BIRC6: variants seen among roughly 807,000 people sequenced by gnomAD.
BIRC6 encodes the protein dual E2 ubiquitin-conjugating enzyme/E3 ubiquitin-protein ligase BIRC6.
A neutral mutation model predicts 503.3 loss-of-function variants in BIRC6; 98 were observed. The ratio of observed to expected loss-of-function variants is 0.19; its 90% confidence interval spans 0.17 to 0.23. BIRC6 has a LOEUF of 0.23. BIRC6 is among the 10% of genes least tolerant of loss of function. The pLI is 1.00. For missense variants in BIRC6, 5,360 were observed against 5,806.0 expected (o/e 0.92, Z 2.50); for synonymous variants, 2,240 against 2,078.7 (o/e 1.08, Z -2.11).
At chr2:32,552,619 A>T (rs1055607949) in intron 65 of BIRC6, among the ~76,000 whole-genome samples, 5 of 152,166 alleles carry the variant, frequency 3.3e-5, no homozygotes, top group Non-Finnish European at 7.4e-5. Context: ...TGAGACACCG[A>T]TCCTATTCTC....
At chr2:32,534,564 C>G (rs1039131392) in intron 61 of BIRC6, among the ~76,000 whole-genome samples, 4 of 151,280 alleles carry the variant, frequency 2.6e-5, no homozygotes, top group African/African-American at 7.3e-5. Context: ...AACCCCATCT[C>G]TACTAAAAGT....
intron 11 of BIRC6, 46 bp from the exon 12 acceptor site, chr2:32,430,819 T>TC (rs1558701885): frequency 1.1e-6 from 1 of 939,078 alleles, no homozygotes; most frequent in African/African-American, 1.6e-5. Context: ...TTTTTTTTTT[T>TC]TTTTTTTCCA....
At chr2:32,395,188 G>A (rs1285777213) in intron 5 of BIRC6, among the ~76,000 whole-genome samples, 2 of 152,050 alleles carry the variant, frequency 1.3e-5, no homozygotes, top group Non-Finnish European at 2.9e-5. Context: ...GAAACAAATA[G>A]TGTAAACCAG....
intron 33 of BIRC6, 59 bp downstream of exon 33, chr2:32,473,298 A>T (rs2049310504): frequency 7.4e-7 from 1 of 1,354,130 alleles, no homozygotes; most frequent in Non-Finnish European, 1.0e-6. Context: ...TGGAGTTTGC[A>T]TGAGACAGAT....
At chr2:32,401,674 A>T (rs2040609078) in intron 8 of BIRC6, 51 bp downstream of exon 8, 3 of 1,482,310 alleles carry the variant, frequency 2.0e-6, no homozygotes, top group Non-Finnish European at 2.7e-6. Flanking sequence ...TGTTTTCCTA[A>T]ATTTTATATT....
intron 45 of BIRC6, among the ~76,000 whole-genome samples, chr2:32,496,309 T>A (rs963137564): frequency 1.3e-5 from 2 of 151,162 alleles, no homozygotes; most frequent in Non-Finnish European, 2.9e-5. Flanking sequence ...CACTGCAACC[T>A]CCACCTCCTG....
intron 42 of BIRC6, among the ~76,000 whole-genome samples, chr2:32,489,006 G>T (rs139819437): frequency 1.3e-5 from 2 of 151,712 alleles, no homozygotes; most frequent in African/African-American, 4.8e-5. Flanking sequence ...TGTCTGATCT[G>T]TAAAAGCAGG....
intron 69 of BIRC6, among the ~76,000 whole-genome samples, chr2:32,598,993 G>T (rs1306230940): frequency 7.7e-6 from 1 of 129,618 alleles, no homozygotes; most frequent in Non-Finnish European, 1.6e-5. Flanking sequence ...CTGCACTGCA[G>T]CCTGGGCGGT....
chr2:32,432,059 A>G (rs553361693), intron 12 of BIRC6, among the ~76,000 whole-genome samples: 138 of 152,340 alleles, frequency 9.1e-4, no homozygotes, highest in African/African-American at 3.3e-3. Flanking sequence ...AGGAAAAGAA[A>G]TATGACCATT....
Position 32,487,814 on chromosome 2 carries a change from G to A in BIRC6, c.7968+13G>A, listed in dbSNP as rs201570778. The A allele has an allele frequency of 3.4e-4, 543 of 1,597,090 alleles. 4 individuals carry two copies. The South Asian group carries it at 5.5e-3, about 16-fold the overall frequency. ...CCATCATGTTCAGGTATGACTTCAG[G>A]AGAAATGGTGTATTTTTACATATTA... On this transcript the variant is annotated intron_variant, in intron 41 of 73. Coordinates refer to ENST00000421745, the MANE Select transcript of BIRC6 (RefSeq NM_016252.4).
At chr2:32,492,974 G>C (rs112434405) in intron 44 of BIRC6, among the ~76,000 whole-genome samples, 3 of 150,220 alleles carry the variant, frequency 2.0e-5, no homozygotes, top group African/African-American at 7.3e-5. Flanking sequence ...TTAATGTAGT[G>C]TTCACTATCA....
At position 32,385,574 on chromosome 2, in the gene BIRC6, A is replaced by G. The variant is rs147749755; in HGVS notation, c.646-3176A>G. ...CATGAGAGGGTGTGGCTTTGCTCCA[A>G]GACCCTAGCATTCTGCTGTGTGATT... On this transcript the variant is annotated intron_variant, in intron 3 of 73. Coordinates refer to ENST00000421745, the MANE Select transcript of BIRC6 (RefSeq NM_016252.4). 4.7e-3 allele frequency among the ~76,000 whole-genome samples: 718 copies of G among 152,332 alleles called. 4 individuals are homozygous for G. Among genetic ancestry groups the G allele is most frequent in the Non-Finnish European group, 8.1e-3 (549 of 68,024 alleles).
At chr2:32,466,784 T>C (rs2048582806) in intron 26 of BIRC6, among the ~76,000 whole-genome samples, 1 of 152,208 alleles carries the variant, frequency 6.6e-6, no homozygotes, top group Non-Finnish European at 1.5e-5. Context: ...GCAGTCTTAC[T>C]GTTGTTTTTT....
At chr2:32,448,568 G>T (rs2046339736) in intron 21 of BIRC6, among the ~76,000 whole-genome samples, 1 of 152,164 alleles carries the variant, frequency 6.6e-6, no homozygotes, top group Admixed American at 6.5e-5. Context: ...GGAGAATCAG[G>T]CAGGGAGGTT....
At chr2:32,511,363 G>T (rs368616056) in intron 53 of BIRC6, among the ~76,000 whole-genome samples, 1 of 151,022 alleles carries the variant, frequency 6.6e-6, no homozygotes, top group Admixed American at 6.6e-5. Context: ...AGGCTGGAGC[G>T]CAGTGGTGCA....
chr2:32,361,252 A>T (rs887107781), intron 1 of BIRC6, among the ~76,000 whole-genome samples: 3 of 152,118 alleles, frequency 2.0e-5, no homozygotes, highest in African/African-American at 7.2e-5. Context: ...ATACAGTATA[A>T]ACTCGAGTAT....
chr2:32,438,652 T>C (rs935851255), intron 15 of BIRC6, among the ~76,000 whole-genome samples: 3 of 150,382 alleles, frequency 2.0e-5, no homozygotes, highest in Non-Finnish European at 4.4e-5. Flanking sequence ...CTCCGCCTCC[T>C]GGGTTCACGC....
At chr2:32,591,900 T>G (rs900206895) in intron 66 of BIRC6, among the ~76,000 whole-genome samples, 8 of 152,196 alleles carry the variant, frequency 5.3e-5, no homozygotes, top group Non-Finnish European at 1.2e-4. Flanking sequence ...TGCACTTCTC[T>G]TCATTCTCAG....
intron 12 of BIRC6, among the ~76,000 whole-genome samples, chr2:32,432,378 C>T (rs2044223688): frequency 6.6e-6 from 1 of 152,138 alleles, no homozygotes; most frequent in South Asian, 2.1e-4. Context: ...TTACGCCCCA[C>T]TGCACTCCAG....
Sources: gnomAD v4.1 joint callset for allele counts (sites outside exome capture counted in the v4.1 genomes callset) on GRCh38, gnomAD v4.1.1 for gene constraint, MANE v1.5 for transcripts, NCBI Gene and HGNC (gene_info 2026-07-23, HGNC 2026-07-21) for gene names.